The following NT5DC4 variants were observed in gnomAD, a reference collection of about 807,000 sequenced individuals.
NT5DC4 encodes the protein 5'-nucleotidase domain-containing protein 4.
Under a neutral mutation model 26.6 loss-of-function variants are expected in NT5DC4, and 44 were observed. That is an observed-to-expected ratio of 1.65 (90% CI 1.30 to 2.13). The LOEUF is 2.13. Ranked by LOEUF, NT5DC4 falls within the 30% of genes most tolerant of loss-of-function variation. The pLI, the probability that NT5DC4 is intolerant of heterozygous loss-of-function variation, is 0.00. For missense variants in NT5DC4, 399 were observed against 228.1 expected (o/e 1.75, Z -4.83); for synonymous variants, 157 against 86.7 (o/e 1.81, Z -4.51).
At chr2:112,730,554 T>C (rs1033080598) in intron 16 of NT5DC4, among the ~76,000 whole-genome samples, 2 of 152,166 alleles carry the variant, frequency 1.3e-5, no homozygotes, top group African/African-American at 4.8e-5. Flanking sequence ...TGACACTTTG[T>C]GAGGCTTGAC....
At chr2:112,733,600 C>T (rs1353692994) in intron 16 of NT5DC4, among the ~76,000 whole-genome samples, 1 of 152,236 alleles carries the variant, frequency 6.6e-6, no homozygotes, top group Non-Finnish European at 1.5e-5. Flanking sequence ...TCTTTGGCCA[C>T]ATGGACGAGG....
downstream of NT5DC4, among the ~76,000 whole-genome samples, chr2:112,740,181 T>C (rs552193732): frequency 6.6e-6 from 1 of 152,224 alleles, no homozygotes; most frequent in Admixed American, 6.5e-5. Context: ...CATCCTCTTA[T>C]GAGCTGACTG....
chr2:112,719,960 T>TTC (rs1558715278), upstream of NT5DC4, among the ~76,000 whole-genome samples: 10 of 128,428 alleles, frequency 7.8e-5, no homozygotes, highest in Admixed American at 4.1e-4. Context: ...CTTTCTTTCT[T>TTC]TCTTTCTTTC....
At chr2:112,739,794 AC>A (rs1679748831), downstream of NT5DC4, among the ~76,000 whole-genome samples, 3 of 152,304 alleles carry the variant, frequency 2.0e-5, no homozygotes, top group Admixed American at 6.5e-5. Flanking sequence ...TGGTGGGAGC[AC>A]AAACGTATGC....
At chr2:112,734,467 C>T (rs1374039523) in intron 16 of NT5DC4, among the ~76,000 whole-genome samples, 1 of 152,140 alleles carries the variant, frequency 6.6e-6, no homozygotes, top group African/African-American at 2.4e-5. Context: ...AGATTTCTAT[C>T]TTTATCTTTT....
intron 15 of NT5DC4, chr2:112,727,133 G>T (rs1438124607): frequency 9.2e-6 from 2 of 217,858 alleles, no homozygotes; most frequent in Admixed American, 4.9e-5. Context: ...GTTCCCTTGT[G>T]GCATTACTGA....
intron 16 of NT5DC4, among the ~76,000 whole-genome samples, chr2:112,734,195 G>GTGTGTGTGTGTGTGTGTGTT (rs1553437320): frequency 8.0e-4 from 121 of 151,508 alleles, no homozygotes; most frequent in African/African-American, 2.8e-3. Flanking sequence ...GTGTGTGTGT[G>GTGTGTGTGTGTGTGTGTGTT]TGTGTGTACA....
intron 16 of NT5DC4, chr2:112,731,095 G>A (rs1678433419): frequency 6.6e-6 from 1 of 152,096 alleles, no homozygotes; most frequent in African/African-American, 2.4e-5. Flanking sequence ...AGGGCAAAGA[G>A]AGAAACGAGG....
intron 10 of NT5DC4, chr2:112,724,370 C>T (rs180705763): frequency 1.5e-5 from 9 of 585,714 alleles, no homozygotes; most frequent in South Asian, 4.1e-5. Context: ...TGGGGACGGG[C>T]GGCAGAAAGT....
At position 112,724,082 on chromosome 2, in the gene NT5DC4, T is replaced by C; in HGVS notation, c.757-12T>C. The C allele has an allele frequency of 1.4e-6, 1 of 717,158 alleles. No individual in the cohort carries two copies. The highest frequency in any genetic ancestry group is 2.6e-6 in the Non-Finnish European group (1 of 385,038). The allele number at this position is 717,158 out of a possible 1,614,324, so 44.4% of individuals were successfully genotyped here. ...CAAGCTTGGTGCCCTGACGCTGCCTTGTCCTTGCCAGGCCATCATGACCTA... is the reference window on the plus strand; with the variant it reads ...CAAGCTTGGTGCCCTGACGCTGCCTCGTCCTTGCCAGGCCATCATGACCTA... On this transcript the variant is annotated splice_polypyrimidine_tract_variant and intron_variant, in intron 9 of 16. Transcript: ENST00000688554.
intron 16 of NT5DC4, among the ~76,000 whole-genome samples, chr2:112,734,169 A>ATATGTGTGTG (rs150412692): frequency 0.069 from 9,282 of 134,760 alleles, 637 homozygotes; most frequent in African/African-American, 0.17. Context: ...TATTATATAT[A>ATATGTGTGTG]TGTGTGTGTG....
intron 16 of NT5DC4, chr2:112,731,321 C>T (rs1161663406): frequency 1.3e-5 from 2 of 152,052 alleles, no homozygotes; most frequent in East Asian, 3.9e-4. Context: ...CCTCAATGGT[C>T]TTTGAGACGT....
At chr2:112,719,974 C>CTTTCCTTCTTTCTTTT (rs1676730649), upstream of NT5DC4, among the ~76,000 whole-genome samples, 1 of 79,670 alleles carries the variant, frequency 1.3e-5, no homozygotes, top group Non-Finnish European at 2.6e-5. Flanking sequence ...TTCTTTCTTT[C>CTTTCCTTCTTTCTTTT]TTTCTTTCTT....
At chr2:112,742,440 C>T, downstream of NT5DC4, 1 of 717,716 alleles carries the variant, frequency 1.4e-6, no homozygotes, top group Non-Finnish European at 2.6e-6. Flanking sequence ...TGTTTGTCTT[C>T]TGCCATCTAG....
intron 16 of NT5DC4, chr2:112,738,047 G>A (rs1679466915): frequency 6.6e-6 from 1 of 152,116 alleles, no homozygotes; most frequent in South Asian, 2.1e-4. Context: ...AGTCTCTGGG[G>A]CTTGCACTGC....
chr2:112,722,379 G>A (rs1157307327), intron 4 of NT5DC4, 101 bp downstream of exon 4: 5 of 711,992 alleles, frequency 7.0e-6, no homozygotes, highest in East Asian at 2.7e-5. Flanking sequence ...GCAGGCCCAC[G>A]GTGGAGGCTC....
intron 14 of NT5DC4, 131 bp from the exon 15 acceptor site, chr2:112,726,546 AC>A: frequency 1.4e-6 from 1 of 692,010 alleles, no homozygotes; most frequent in Non-Finnish European, 2.7e-6. Context: ...GCATGCACAC[AC>A]CCAGCCCGGC....
In NT5DC4 at chr2:112,738,946, C is replaced by T; in HGVS notation, c.*10C>T. The T allele has an allele frequency of 6.2e-7, 1 of 1,614,180 alleles. No homozygotes were observed. Among genetic ancestry groups the T allele is most frequent in the Non-Finnish European group, 8.5e-7 (1 of 1,180,028 alleles). ...GAGAAGCCACTACTAAATCGTGTTCCTGCAGCATTTCTGGGTAGCGGGACA... is the reference window on the plus strand; with the variant it reads ...GAGAAGCCACTACTAAATCGTGTTCTTGCAGCATTTCTGGGTAGCGGGACA... On this transcript the variant is annotated 3_prime_UTR_variant, in exon 17 of 17. Transcript: ENST00000688554.
At chr2:112,729,302 T>C (rs12463996) in intron 15 of NT5DC4, among the ~76,000 whole-genome samples, 2 of 152,034 alleles carry the variant, frequency 1.3e-5, no homozygotes, top group Non-Finnish European at 1.5e-5. Flanking sequence ...TTTATGTTTT[T>C]ATAGAGACAG....
Sources: allele counts gnomAD v4.1 joint callset (sites outside exome capture counted in the v4.1 genomes callset), GRCh38; gene constraint gnomAD v4.1.1; transcripts MANE v1.5; gene names NCBI Gene and HGNC (gene_info 2026-07-23, HGNC 2026-07-21).